Variants in COBL observed in about 807,000 individuals in gnomAD.
COBL encodes the protein protein cordon-bleu.
Under a neutral mutation model 98.8 loss-of-function variants are expected in COBL, and 51 were observed. The ratio of observed to expected loss-of-function variants is 0.52; its 90% confidence interval spans 0.41 to 0.65. The LOEUF (loss-of-function observed/expected upper bound fraction) is 0.65, where lower values mean the gene tolerates loss of function less well. COBL is among the 30% of genes least tolerant of loss of function. The pLI, the probability that COBL is intolerant of heterozygous loss-of-function variation, is 0.00. For missense variants in COBL, 1,617 were observed against 1,617.5 expected (o/e 1.00, Z 0.01); for synonymous variants, 634 against 651.7 (o/e 0.97, Z 0.41).
chr7:51,214,562 C>T (rs1222146987), intron 2 of COBL, among the ~76,000 whole-genome samples: 1 of 152,082 alleles, frequency 6.6e-6, no homozygotes, highest in Non-Finnish European at 1.5e-5. Context: ...TCTTGGAGGT[C>T]ACCTTACTTC....
chr7:51,017,300 G>A lies in COBL; in HGVS notation c.*251C>T, dbSNP rs7777979. 0.015 allele frequency: 8,730 copies of A among 591,634 alleles called. 569 individuals carry two copies. The highest frequency in any genetic ancestry group is 0.14 in the African/African-American group (7,565 of 53,802). 36.6% of individuals were successfully genotyped at this position (591,634 alleles called of 1,614,324 possible). On this transcript the variant is annotated 3_prime_UTR_variant, in exon 13 of 13. Transcript: ENST00000265136. ...TCCCATTAACCTGCCAACAAGAATC[G>A]TTTATTAGCAACTTAAGATATTCAG...
At chr7:51,190,388 A>C (rs1474837559) in intron 4 of COBL, among the ~76,000 whole-genome samples, 1 of 151,732 alleles carries the variant, frequency 6.6e-6, no homozygotes, top group Non-Finnish European at 1.5e-5. Context: ...CTAATTTTAA[A>C]ATTTTTTTGT....
At chr7:51,079,591 A>G (rs920701448) in intron 7 of COBL, among the ~76,000 whole-genome samples, 2 of 152,228 alleles carry the variant, frequency 1.3e-5, no homozygotes, top group African/African-American at 2.4e-5. Flanking sequence ...ACAGTAAAGG[A>G]TAAATGCCTA....
At chr7:51,093,899 G>GAA (rs949012629) in intron 6 of COBL, among the ~76,000 whole-genome samples, 3 of 109,668 alleles carry the variant, frequency 2.7e-5, no homozygotes, top group East Asian at 2.6e-4. Context: ...GACACCAAAA[G>GAA]AAAAAAAAAA....
At chr7:51,135,258 C>A (rs1200708725) in intron 6 of COBL, among the ~76,000 whole-genome samples, 1 of 152,096 alleles carries the variant, frequency 6.6e-6, no homozygotes, top group Non-Finnish European at 1.5e-5. Context: ...CTACTGCACC[C>A]GGCCTAGAAA....
At chr7:51,089,225 C>A (rs1252117870) in intron 6 of COBL, among the ~76,000 whole-genome samples, 2 of 152,092 alleles carry the variant, frequency 1.3e-5, no homozygotes, top group Non-Finnish European at 2.9e-5. Flanking sequence ...AATCTAAATA[C>A]ACCGCAGGCT....
In COBL at chr7:51,055,401, G is replaced by A. The variant is rs78720497; in HGVS notation, c.1097-11709C>T. The stretch of plus-strand genomic sequence containing the variant: ...TCTAAGGACTTAGTGAAGATTAAAC[G>A]AGACAGCACTTATGAAGGAGCTAGC... On this transcript the variant is annotated intron_variant, in intron 7 of 12. Transcript: ENST00000265136. Among the ~76,000 whole-genome samples the A allele has an allele frequency of 3.4e-3, 519 of 152,304 alleles. 2 individuals are homozygous for A. Among genetic ancestry groups the A allele is most frequent in the African/African-American group, 0.011 (476 of 41,580 alleles).
intron 1 of COBL, among the ~76,000 whole-genome samples, chr7:51,239,830 G>A (rs192053235): frequency 1.8e-4 from 27 of 152,270 alleles, no homozygotes; most frequent in African/African-American, 4.8e-4. Flanking sequence ...CAAGGCACAC[G>A]TTGTTTTATT....
At chr7:51,088,367 T>C (rs969760104) in intron 6 of COBL, among the ~76,000 whole-genome samples, 2 of 151,818 alleles carry the variant, frequency 1.3e-5, no homozygotes, top group African/African-American at 4.8e-5. Flanking sequence ...ATTTTCTCCA[T>C]TGTAAGACTC....
At chr7:51,070,550 C>T (rs1313645606) in intron 7 of COBL, among the ~76,000 whole-genome samples, 5 of 152,162 alleles carry the variant, frequency 3.3e-5, no homozygotes, top group African/African-American at 1.2e-4. Context: ...CCCTCACTTT[C>T]TCTTGTAATT....
Position 51,026,650 on chromosome 7 carries a change from C to G in COBL, c.3400G>C (p.Gly1134Arg). Residue 1134 changes from glycine (G) to arginine (R), a missense_variant, in exon 11 of 13, where the codon GGG (glycine) becomes CGG (arginine). Around this residue, in one of 3 missense-constraint regions of COBL, gnomAD observed 1,304 missense variants for 1,282.0 expected, o/e 1.02. Coordinates refer to ENST00000265136, the MANE Select transcript of COBL (RefSeq NM_015198.5). Reference protein sequence around the residue: ...DRLRKTAEHTGEGRPAKLSYT... With the variant: ...DRLRKTAEHTREGRPAKLSYT... ...GACAGTTTCGCTGGCCTGCCCTCCC[C>G]GGTGTGTTCTGCCGTCTAGAATATT... 3.1e-6 allele frequency: 5 copies of G among 1,613,982 alleles called. No individual in the cohort carries two copies. The highest frequency in any genetic ancestry group is 3.4e-6 in the Non-Finnish European group (4 of 1,179,986).
chr7:51,132,380 T>C (rs1469347561), intron 6 of COBL, among the ~76,000 whole-genome samples: 1 of 152,228 alleles, frequency 6.6e-6, no homozygotes, highest in East Asian at 1.9e-4. Flanking sequence ...GCAAATGCCA[T>C]GAGATCTATG....
intron 1 of COBL, among the ~76,000 whole-genome samples, chr7:51,299,578 C>G (rs1801731065): frequency 6.6e-6 from 1 of 152,154 alleles, no homozygotes; most frequent in Admixed American, 6.6e-5. Context: ...TGCTGCAGCC[C>G]TGGGCCCAGG....
chr7:51,203,441 G>A (rs199700169), intron 2 of COBL, among the ~76,000 whole-genome samples: 25 of 86,602 alleles, frequency 2.9e-4, no homozygotes, highest in African/African-American at 1.0e-3. Flanking sequence ...CAGCCTGGGC[G>A]ACAGAGCGAG....
intron 11 of COBL, among the ~76,000 whole-genome samples, chr7:51,025,860 G>A (rs1488700980): frequency 6.6e-6 from 1 of 152,136 alleles, no homozygotes; most frequent in African/African-American, 2.4e-5. Flanking sequence ...TCCACTCCAC[G>A]GCCGAGACAT....
At chr7:51,085,101 A>G in intron 7 of COBL, 65 bp downstream of exon 7, 11 of 1,609,780 alleles carry the variant, frequency 6.8e-6, no homozygotes, top group Non-Finnish European at 8.5e-6. Context: ...AGTTCACATC[A>G]GAGCTGACAT....
chr7:51,225,279 T>G (rs1032576273), intron 1 of COBL, among the ~76,000 whole-genome samples: 1 of 152,206 alleles, frequency 6.6e-6, no homozygotes, highest in Non-Finnish European at 1.5e-5. Flanking sequence ...AGGGGATGCC[T>G]TTCTCAAACA....
rs895972393 is a variant in COBL at position 51,016,598 on chromosome 7, G to A, written c.*953C>T. 4.2e-5 allele frequency: 9 copies of A among 214,772 alleles called. No homozygotes were observed. The highest frequency in any genetic ancestry group is 5.5e-5 in the Non-Finnish European group (6 of 109,558). 13.3% of individuals were successfully genotyped at this position (214,772 alleles called of 1,614,324 possible). On this transcript the variant is annotated 3_prime_UTR_variant, in exon 13 of 13. Transcript: ENST00000265136. ...GGAGCCAATGAGCTGTTGGACAAAC[G>A]CGTCAAGGCTGAACCAAAATTGTGA...
At position 51,016,652 on chromosome 7, in the gene COBL, C is replaced by T. The variant is rs1250322560; in HGVS notation, c.*899G>A. On this transcript the variant is annotated 3_prime_UTR_variant, in exon 13 of 13. Coordinates refer to ENST00000265136, the MANE Select transcript of COBL (RefSeq NM_015198.5). ...TCTCAGCGCAACTTTGATCTGAACT[C>T]TTGACAGGTGGGCATCCAACATCCC... 3 of 305,494 alleles carry T rather than the reference C, an allele frequency of 9.8e-6. No homozygotes were observed. Among genetic ancestry groups the T allele is most frequent in the African/African-American group, 4.3e-5 (2 of 46,890 alleles). The allele number at this position is 305,494 out of a possible 1,614,324, so 18.9% of individuals were successfully genotyped here.
Sources: allele counts gnomAD v4.1 joint callset (sites outside exome capture counted in the v4.1 genomes callset), GRCh38; gene constraint gnomAD v4.1.1; regional missense constraint gnomAD v4.1.1; transcripts MANE v1.5; gene names NCBI Gene and HGNC (gene_info 2026-07-23, HGNC 2026-07-21).